MSI2: variants seen among roughly 807,000 people sequenced by gnomAD.
The protein encoded by MSI2 is RNA-binding protein Musashi homolog 2.
A neutral mutation model predicts 45.6 loss-of-function variants in MSI2; 17 were observed. The observed-to-expected ratio is 0.37, with a 90% CI of 0.26 to 0.56. MSI2 has a LOEUF of 0.56. Ranked by LOEUF, MSI2 falls within the 20% of genes least tolerant of loss-of-function variation. MSI2 has a pLI of 0.77. For missense variants in MSI2, 293 were observed against 444.2 expected (o/e 0.66, Z 3.06); for synonymous variants, 156 against 158.2 (o/e 0.99, Z 0.11).
chr17:57,672,959 T>C (rs1262788068), intron 11 of MSI2, among the ~76,000 whole-genome samples: 2 of 152,246 alleles, frequency 1.3e-5, no homozygotes, highest in Admixed American at 6.5e-5. Context: ...GCCGTTCACT[T>C]GCTCTAAGCC....
At chr17:57,314,206 A>G (rs753610880) in intron 5 of MSI2, among the ~76,000 whole-genome samples, 7 of 152,202 alleles carry the variant, frequency 4.6e-5, no homozygotes, top group East Asian at 1.9e-4. Flanking sequence ...CACTGGTCCT[A>G]TTGGATTAGG....
chr17:57,575,114 G>A (rs1000251987), intron 7 of MSI2, among the ~76,000 whole-genome samples: 2 of 151,006 alleles, frequency 1.3e-5, no homozygotes, highest in East Asian at 3.9e-4. Flanking sequence ...ACAGGCGTGA[G>A]CCACTGTGCC....
chr17:57,615,161 T>C (rs1039475612), intron 8 of MSI2, among the ~76,000 whole-genome samples: 2 of 149,796 alleles, frequency 1.3e-5, no homozygotes, highest in Non-Finnish European at 3.0e-5. Context: ...AGGGTCTCGC[T>C]GTGTCACCCA....
intron 10 of MSI2, chr17:57,630,186 C>CGGA (rs1909221234): frequency 3.0e-5 from 3 of 98,744 alleles, no homozygotes; most frequent in South Asian, 6.1e-4. Context: ...ACTGGGGGGG[C>CGGA]GGGGGATGGA....
At chr17:57,499,585 G>A (rs1013362668) in intron 6 of MSI2, among the ~76,000 whole-genome samples, 1 of 152,122 alleles carries the variant, frequency 6.6e-6, no homozygotes, top group Admixed American at 6.5e-5. Flanking sequence ...GTTATCTATT[G>A]ATGCATAACA....
chr17:57,285,530 A>T (rs58209475), intron 5 of MSI2, among the ~76,000 whole-genome samples: 1 of 152,304 alleles, frequency 6.6e-6, no homozygotes, highest in African/African-American at 2.4e-5. Context: ...GGGAGGGCGC[A>T]CTTTTCAGGA....
At chr17:57,335,127 A>G (rs1256703577) in intron 5 of MSI2, among the ~76,000 whole-genome samples, 1 of 152,152 alleles carries the variant, frequency 6.6e-6, no homozygotes, top group Non-Finnish European at 1.5e-5. Flanking sequence ...CTCTGGACAT[A>G]TTTTGGCTTT....
At chr17:57,651,901 A>G (rs1365630223) in intron 10 of MSI2, among the ~76,000 whole-genome samples, 198 bp from the exon 11 acceptor site, 1 of 152,208 alleles carries the variant, frequency 6.6e-6, no homozygotes, top group Non-Finnish European at 1.5e-5. Context: ...TGAGAATCAA[A>G]CGCACCTAAA....
At chr17:57,434,947 C>G (rs892291198) in intron 6 of MSI2, among the ~76,000 whole-genome samples, 5 of 152,260 alleles carry the variant, frequency 3.3e-5, no homozygotes, top group Non-Finnish European at 7.4e-5. Flanking sequence ...GGACAAGACT[C>G]TCACTTTCAT....
intron 7 of MSI2, among the ~76,000 whole-genome samples, chr17:57,530,009 G>A (rs2086788811): frequency 1.3e-5 from 2 of 152,102 alleles, no homozygotes; most frequent in African/African-American, 4.8e-5. Flanking sequence ...TGCCTTTCTG[G>A]GTCCCTTGCT....
intron 7 of MSI2, among the ~76,000 whole-genome samples, chr17:57,582,984 T>C (rs571220287): frequency 1.5e-4 from 23 of 152,318 alleles, no homozygotes; most frequent in South Asian, 8.3e-4. Context: ...ACGGTACCAG[T>C]TTCTGTTGAA....
At chr17:57,450,254 TTAAAGAAAGAAAGAAAGAAA>T (rs1240725313) in intron 6 of MSI2, 9 of 98,754 alleles carry the variant, frequency 9.1e-5, no homozygotes, top group Admixed American at 1.2e-4. Flanking sequence ...ATTCCCCAGC[TTAAAGAAAGAAAGAAAGAAA>T]GAAAGAAAGA....
chr17:57,509,577 T>G, intron 6 of MSI2, among the ~76,000 whole-genome samples: 1 of 152,162 alleles, frequency 6.6e-6, no homozygotes, highest in South Asian at 2.1e-4. Flanking sequence ...TCTGCCACCA[T>G]GCCCGGCTAA....
At chr17:57,666,755 G>T (rs1451444427) in intron 11 of MSI2, among the ~76,000 whole-genome samples, 2 of 152,216 alleles carry the variant, frequency 1.3e-5, no homozygotes, top group African/African-American at 4.8e-5. Flanking sequence ...CAGGGAGGTA[G>T]CTTTCAGGTT....
downstream of MSI2, among the ~76,000 whole-genome samples, chr17:57,689,304 A>G (rs1313811430): frequency 1.3e-5 from 2 of 152,104 alleles, no homozygotes; most frequent in Non-Finnish European, 2.9e-5. Flanking sequence ...CATTTTTTGA[A>G]TAATAAAATA....
At chr17:57,550,664 C>G (rs2087282513) in intron 7 of MSI2, among the ~76,000 whole-genome samples, 1 of 152,160 alleles carries the variant, frequency 6.6e-6, no homozygotes, top group Non-Finnish European at 1.5e-5. Context: ...CCTGTCTCCC[C>G]TTGTCTTTTT....
chr17:57,382,273 A>G, intron 5 of MSI2, among the ~76,000 whole-genome samples: 1 of 152,214 alleles, frequency 6.6e-6, no homozygotes, highest in East Asian at 1.9e-4. Context: ...GGTGAGAAAT[A>G]AAACAAGCAA....
chr17:57,553,133 T>C (rs1454941974), intron 7 of MSI2, among the ~76,000 whole-genome samples: 1 of 151,398 alleles, frequency 6.6e-6, no homozygotes, highest in African/African-American at 2.4e-5. Flanking sequence ...TGGTTGTCCA[T>C]CCCCGCAGCT....
At chr17:57,403,952 CACA>C (rs2084039281) in intron 6 of MSI2, among the ~76,000 whole-genome samples, 1 of 152,148 alleles carries the variant, frequency 6.6e-6, no homozygotes, top group East Asian at 1.9e-4. Context: ...CACACACACA[CACA>C]CACACACACT....
Sources: allele counts gnomAD v4.1 joint callset (sites outside exome capture counted in the v4.1 genomes callset), GRCh38; gene constraint gnomAD v4.1.1; transcripts MANE v1.5; gene names NCBI Gene and HGNC (gene_info 2026-07-23, HGNC 2026-07-21).